Variants in CKAP5 observed in about 807,000 individuals in gnomAD.
CKAP5 encodes cytoskeleton-associated protein 5.
Under a neutral mutation model 232.8 loss-of-function variants are expected in CKAP5, and 27 were observed. That is an observed-to-expected ratio of 0.12 (90% CI 0.09 to 0.16). The LOEUF is 0.16. Among genes scored for constraint, CKAP5 ranks in the 10% least tolerant of loss-of-function variants. The pLI is 1.00. For synonymous variants in CKAP5, 785 were observed against 841.1 expected (o/e 0.93, Z 1.16); for missense variants, 1,838 against 2,424.7 (o/e 0.76, Z 5.08).
chr11:46,753,534 TC>T, intron 36 of CKAP5, 37 bp from the exon 37 acceptor site: 2 of 1,466,936 alleles, frequency 1.4e-6, no homozygotes, highest in Non-Finnish European at 1.9e-6. Flanking sequence ...GGTGTAAAAC[TC>T]AATATAGAGA....
At chr11:46,744,606 C>G (rs2065009132) in intron 42 of CKAP5, 29 bp from the exon 43 acceptor site, 1 of 1,601,220 alleles carries the variant, frequency 6.2e-7, no homozygotes, top group Non-Finnish European at 8.5e-7. Context: ...AAAGAATATT[C>G]AGATATCCAC....
chr11:46,748,592 G>A (rs1020359322), intron 42 of CKAP5, among the ~76,000 whole-genome samples: 2 of 152,032 alleles, frequency 1.3e-5, no homozygotes, highest in Non-Finnish European at 2.9e-5. Flanking sequence ...GGCCAACATG[G>A]TGAAACCCCG....
intron 25 of CKAP5, 64 bp downstream of exon 25, chr11:46,770,724 A>C (rs2134606128): frequency 1.7e-5 from 24 of 1,408,080 alleles, no homozygotes; most frequent in Non-Finnish European, 2.1e-5. Flanking sequence ...CCACCGTGCC[A>C]GGCCCATGTT....
intron 38 of CKAP5, among the ~76,000 whole-genome samples, chr11:46,752,193 T>TATATATACATACAC (rs1408030107): frequency 1.7e-4 from 11 of 66,552 alleles, no homozygotes; most frequent in African/African-American, 5.6e-4. Context: ...TATATATATA[T>TATATATACATACAC]ACACACACAC....
intron 24 of CKAP5, among the ~76,000 whole-genome samples, chr11:46,772,352 T>A (rs2065255104): frequency 6.6e-6 from 1 of 152,186 alleles, no homozygotes; most frequent in Admixed American, 6.5e-5. Context: ...GGATTATGGT[T>A]TTGGTTTTAA....
chr11:46,828,646 CAAT>C (rs33943737), intron 1 of CKAP5, among the ~76,000 whole-genome samples: 2,992 of 152,280 alleles, frequency 0.02, 97 homozygotes, highest in African/African-American at 0.068. Context: ...AAACATAGTA[CAAT>C]GAGTGTATGT....
intron 1 of CKAP5, among the ~76,000 whole-genome samples, chr11:46,835,420 A>G (rs1939891657): frequency 6.6e-6 from 1 of 152,008 alleles, no homozygotes; most frequent in African/African-American, 2.4e-5. Flanking sequence ...GTTAGAGCAG[A>G]GAAAATAAAA....
chr11:46,836,238 T>C lies in CKAP5; in HGVS notation c.-38+9982A>G, dbSNP rs189493341. Among the ~76,000 whole-genome samples, 417 of 152,314 alleles carry C rather than the reference T, an allele frequency of 2.7e-3. 2 individuals carry two copies. The highest frequency in any genetic ancestry group is 9.5e-3 in the African/African-American group (396 of 41,568). ...AATCTGGAGTTTGTTTAAACGATGT[T>C]AATAACAGGGCACACTGGGTGAGAG... is the stretch of plus-strand genomic sequence containing the variant. On this transcript the variant is annotated intron_variant, in intron 1 of 43. Coordinates refer to ENST00000529230, the MANE Select transcript of CKAP5 (RefSeq NM_001008938.4).
rs2134656923 is a variant in CKAP5, at chr11:46,801,311, A to AG, written c.979-8dup. 4 of 1,604,478 alleles carry AG rather than the reference A, an allele frequency of 2.5e-6. No individual in the cohort carries two copies. Among genetic ancestry groups the AG allele is most frequent in the Non-Finnish European group, 3.4e-6 (4 of 1,171,474 alleles). ...TGGTGTCCTTTCCAACAACCTACAA[A>AG]GGGGGGTAAAAAGGAAAACAAAATA... On this transcript the variant is annotated splice_polypyrimidine_tract_variant and splice_region_variant and intron_variant, in intron 8 of 43. Coordinates refer to ENST00000529230, the MANE Select transcript of CKAP5 (RefSeq NM_001008938.4).
intron 9 of CKAP5, among the ~76,000 whole-genome samples, chr11:46,798,658 A>AAAAAGTAGATTAGT (rs934189727): frequency 6.6e-6 from 1 of 152,114 alleles, no homozygotes; most frequent in African/African-American, 2.4e-5. Flanking sequence ...TCCAGAGACA[A>AAAAAGTAGATTAGT]AAAAGTAGAT....
In CKAP5 at chr11:46,780,881, C is replaced by T. The variant is rs184640636; in HGVS notation, c.2250-396G>A. Among the ~76,000 whole-genome samples, 353 of 152,322 alleles carry T rather than the reference C, an allele frequency of 2.3e-3. 2 individuals carry two copies. The highest frequency in any genetic ancestry group is 4.1e-3 in the Non-Finnish European group (280 of 68,036). ...TCAAGTGATCTGCCTGCCTCAGCCT[C>T]CCAAAGTGCTGGGATTACAGGCATG... is the stretch of plus-strand genomic sequence containing the variant. On this transcript the variant is annotated intron_variant, in intron 18 of 43. Coordinates refer to ENST00000529230, the MANE Select transcript of CKAP5 (RefSeq NM_001008938.4).
chr11:46,761,841 C>T (rs566374014), intron 32 of CKAP5, among the ~76,000 whole-genome samples, 159 bp downstream of exon 32: 26 of 152,302 alleles, frequency 1.7e-4, no homozygotes, highest in African/African-American at 6.3e-4. Context: ...ATCAGAGACA[C>T]CTCAAGGGTC....
chr11:46,748,798 G>A (rs1394308398), intron 42 of CKAP5, among the ~76,000 whole-genome samples: 2 of 151,826 alleles, frequency 1.3e-5, no homozygotes, highest in African/African-American at 2.4e-5. Flanking sequence ...AAAGTCAATG[G>A]ATCAGGCTTA....
rs771043436 is a variant in CKAP5 at position 46,777,428 on chromosome 11, G to A, written c.2862+11C>T. On this transcript the variant is annotated intron_variant, in intron 23 of 43. Transcript: ENST00000529230. ...CCAGAATGGAGGCATGGTGAAAAGA[G>A]TTAGGTTTACCTTGCTGTCTCCAAG... 5.8e-6 allele frequency: 9 copies of A among 1,540,718 alleles called. No individual in the cohort carries two copies. The Admixed American group carries it at 8.4e-5, about 14-fold the overall frequency.
Position 46,776,353 on chromosome 11 carries a change from C to G in CKAP5, c.2893G>C (p.Val965Leu), listed in dbSNP as rs748402700. 1.2e-6 allele frequency: 2 copies of G among 1,613,362 alleles called. No individual in the cohort carries two copies. The highest frequency in any genetic ancestry group is 1.7e-6 in the Non-Finnish European group (2 of 1,179,508). ...NNVRAAALAT[V>L]NAWAEQTGMK... is the part of the protein sequence containing the mutation. ...CCAGTCTGTTCTGCCCAAGCATTCA[C>G]AGTCGCTAGGGCAGCAGCTCGAACA... The change falls in exon 24 of 44, where the codon GTG becomes CTG. Residue 965 changes from valine to leucine, a missense_variant. By Grantham distance (32) the Val-to-Leu change is conservative. Coordinates refer to ENST00000529230, the MANE Select transcript of CKAP5 (RefSeq NM_001008938.4).
intron 4 of CKAP5, among the ~76,000 whole-genome samples, chr11:46,813,466 C>T (rs1592476099): frequency 6.6e-6 from 1 of 151,970 alleles, no homozygotes; most frequent in South Asian, 2.1e-4. Flanking sequence ...AAAATAAAAC[C>T]TAATTTTGAT....
At chr11:46,817,088 A>G (rs1187059754) in intron 3 of CKAP5, among the ~76,000 whole-genome samples, 1 of 151,624 alleles carries the variant, frequency 6.6e-6, no homozygotes, top group Admixed American at 6.6e-5. Flanking sequence ...CCAGGGCAAC[A>G]AGTACGAAAC....
At chr11:46,788,923 C>T (rs2065422267) in intron 15 of CKAP5, 150 bp from the exon 16 acceptor site, 5 of 615,354 alleles carry the variant, frequency 8.1e-6, no homozygotes, top group Non-Finnish European at 1.1e-5. Context: ...ATAGCTTCCG[C>T]TGTTATGCTT....
chr11:46,749,710 T>C (rs1230848114), intron 42 of CKAP5, among the ~76,000 whole-genome samples: 1 of 151,850 alleles, frequency 6.6e-6, no homozygotes, highest in Non-Finnish European at 1.5e-5. Flanking sequence ...TCTCAGCACT[T>C]TGGGAGGCTG....
Sources: allele counts gnomAD v4.1 joint callset (sites outside exome capture counted in the v4.1 genomes callset), GRCh38; gene constraint gnomAD v4.1.1; transcripts MANE v1.5; gene names NCBI Gene and HGNC (gene_info 2026-07-23, HGNC 2026-07-21).